The following TRPC6 variants were observed in gnomAD, a reference collection of about 807,000 sequenced individuals.
TRPC6 encodes the protein short transient receptor potential channel 6.
A neutral mutation model predicts 90.7 loss-of-function variants in TRPC6; 55 were observed. The ratio of observed to expected loss-of-function variants is 0.61; its 90% CI spans 0.49 to 0.76. The LOEUF (loss-of-function observed/expected upper bound fraction) is 0.76, where lower values mean the gene tolerates loss of function less well. Among genes scored for constraint, TRPC6 ranks in the 30% least tolerant of loss-of-function variants. The pLI is 0.00. For missense variants in TRPC6, 989 were observed against 1,122.7 expected (o/e 0.88, Z 1.70); for synonymous variants, 393 against 393.0 (o/e 1.00, Z 0.00).
chr11:101,465,388 A>G (rs1859118975), intron 10 of TRPC6, among the ~76,000 whole-genome samples: 1 of 152,044 alleles, frequency 6.6e-6, no homozygotes, highest in Admixed American at 6.5e-5. Flanking sequence ...GTGTCTTCCT[A>G]TTTGGTTCCA....
At chr11:101,483,278 A>C in intron 4 of TRPC6, 113 bp from the exon 5 acceptor site, 6 of 1,206,226 alleles carry the variant, frequency 5.0e-6, no homozygotes, top group Non-Finnish European at 7.2e-6. Context: ...CTCCTGAGAT[A>C]ATTGTTTATA....
intron 1 of TRPC6, among the ~76,000 whole-genome samples, chr11:101,536,884 A>C (rs1306301976): frequency 6.6e-6 from 1 of 152,238 alleles, no homozygotes; most frequent in Admixed American, 6.5e-5. Context: ...AGATGCAAGG[A>C]GACCAGTTAG....
At chr11:101,537,092 T>C (rs1006730987) in intron 1 of TRPC6, among the ~76,000 whole-genome samples, 37 of 152,202 alleles carry the variant, frequency 2.4e-4, no homozygotes, top group African/African-American at 8.7e-4. Context: ...GCCATCTACA[T>C]TTGGAGTACT....
At chr11:101,545,434 A>G (rs1467911222) in intron 1 of TRPC6, among the ~76,000 whole-genome samples, 2 of 152,180 alleles carry the variant, frequency 1.3e-5, no homozygotes, top group African/African-American at 2.4e-5. Context: ...CCCAAAACCA[A>G]TCCCCTATGG....
intron 1 of TRPC6, among the ~76,000 whole-genome samples, chr11:101,548,476 A>ATATCTCTC (rs1555011220): frequency 2.7e-5 from 3 of 112,142 alleles, no homozygotes; most frequent in Admixed American, 1.0e-4. Flanking sequence ...ATATATATAT[A>ATATCTCTC]TCTCTCTCTC....
chr11:101,564,874 T>C (rs1157977145), intron 1 of TRPC6, among the ~76,000 whole-genome samples: 3 of 151,944 alleles, frequency 2.0e-5, no homozygotes, highest in Admixed American at 2.0e-4. Flanking sequence ...AACAGACACA[T>C]AGATCAATAG....
chr11:101,564,448 AT>A (rs1861784876), intron 1 of TRPC6, among the ~76,000 whole-genome samples: 1 of 152,088 alleles, frequency 6.6e-6, no homozygotes, highest in Non-Finnish European at 1.5e-5. Context: ...TATTATTTTT[AT>A]TTCTTTCACT....
chr11:101,519,717 A>G (rs1157701819), intron 1 of TRPC6: 1 of 154,002 alleles, frequency 6.5e-6, no homozygotes, highest in Non-Finnish European at 1.5e-5. Flanking sequence ...GTATCTCAAA[A>G]TGTATCCAGA....
intron 1 of TRPC6, among the ~76,000 whole-genome samples, chr11:101,531,289 T>C (rs1209900241): frequency 1.3e-5 from 2 of 152,214 alleles, no homozygotes; most frequent in Non-Finnish European, 2.9e-5. Context: ...GTACATGATA[T>C]TAGTACCAGC....
chr11:101,565,926 A>G (rs767452414), intron 1 of TRPC6, among the ~76,000 whole-genome samples: 1 of 152,128 alleles, frequency 6.6e-6, no homozygotes, highest in Non-Finnish European at 1.5e-5. Context: ...TTTAATCCCC[A>G]TCATCCAGTG....
intron 1 of TRPC6, among the ~76,000 whole-genome samples, chr11:101,546,351 C>CTA (rs1861307440): frequency 2.3e-4 from 15 of 65,662 alleles, no homozygotes; most frequent in Admixed American, 3.6e-4. Context: ...GGATTACAGG[C>CTA]GTGAGCCACC....
intron 9 of TRPC6, among the ~76,000 whole-genome samples, chr11:101,470,267 A>T (rs1401525386): frequency 1.3e-5 from 2 of 152,204 alleles, no homozygotes; most frequent in African/African-American, 4.8e-5. Flanking sequence ...AACAATTTGA[A>T]TTTTTGGCCC....
chr11:101,483,735 A>G (rs1859607194), intron 4 of TRPC6, among the ~76,000 whole-genome samples: 1 of 152,162 alleles, frequency 6.6e-6, no homozygotes, highest in African/African-American at 2.4e-5. Context: ...TATTGAAACA[A>G]TCTCCTGGAA....
At chr11:101,523,877 T>G (rs1301723610) in intron 1 of TRPC6, among the ~76,000 whole-genome samples, 1 of 152,218 alleles carries the variant, frequency 6.6e-6, no homozygotes, top group Non-Finnish European at 1.5e-5. Flanking sequence ...AGATGGTGAT[T>G]CATGTGAAAT....
At chr11:101,579,923 A>G (rs1259779854) in intron 1 of TRPC6, among the ~76,000 whole-genome samples, 1 of 152,138 alleles carries the variant, frequency 6.6e-6, no homozygotes, top group Non-Finnish European at 1.5e-5. Flanking sequence ...GGGCAACCAC[A>G]TCATCACTTC....
chr11:101,453,629 T>C (rs1016678064), intron 12 of TRPC6, 21 bp downstream of exon 12: 2 of 1,612,744 alleles, frequency 1.2e-6, no homozygotes, highest in Non-Finnish European at 1.7e-6. Flanking sequence ...AGGGGCTGAT[T>C]TGCTTCTGCG....
intron 2 of TRPC6, among the ~76,000 whole-genome samples, chr11:101,499,394 T>C (rs1205637956): frequency 6.6e-6 from 1 of 151,842 alleles, no homozygotes; most frequent in Non-Finnish European, 1.5e-5. Context: ...ATTTAGAATT[T>C]TAATCTAGTA....
intron 2 of TRPC6, among the ~76,000 whole-genome samples, chr11:101,495,234 C>T (rs1053824000): frequency 6.6e-6 from 1 of 152,122 alleles, no homozygotes; most frequent in Non-Finnish European, 1.5e-5. Flanking sequence ...TTAAAATGAT[C>T]CTTTCGGAAG....
intron 1 of TRPC6, among the ~76,000 whole-genome samples, chr11:101,531,181 C>A (rs754783802): frequency 6.6e-6 from 1 of 152,192 alleles, no homozygotes; most frequent in Non-Finnish European, 1.5e-5. Context: ...ATACATACAT[C>A]AAATCATCAT....
Sources: gnomAD v4.1 joint callset for allele counts (sites outside exome capture counted in the v4.1 genomes callset) on GRCh38, gnomAD v4.1.1 for gene constraint, MANE v1.5 for transcripts, NCBI Gene and HGNC (gene_info 2026-07-23, HGNC 2026-07-21) for gene names.